SYNRG: variants seen among roughly 807,000 people sequenced by gnomAD.
SYNRG encodes AP1 gamma subunit binding protein 1.
In SYNRG, 37 loss-of-function variants were observed where a neutral mutation model predicts 130.9. The observed-to-expected ratio is 0.28, with a 90% CI of 0.22 to 0.37. The LOEUF is 0.37. SYNRG is among the 10% of genes least tolerant of loss of function. SYNRG has a pLI of 1.00. For missense variants in SYNRG, 1,338 were observed against 1,588.9 expected (o/e 0.84, Z 2.68); for synonymous variants, 539 against 568.1 (o/e 0.95, Z 0.73).
At chr17:37,534,213 G>C (rs899766364) in intron 19 of SYNRG, among the ~76,000 whole-genome samples, 5 of 151,656 alleles carry the variant, frequency 3.3e-5, no homozygotes, top group Non-Finnish European at 7.4e-5. Flanking sequence ...CAAAGTGCTG[G>C]GATTCAGGCA....
chr17:37,607,069 A>T (rs1384785638), intron 1 of SYNRG, among the ~76,000 whole-genome samples: 1 of 152,236 alleles, frequency 6.6e-6, no homozygotes, highest in Non-Finnish European at 1.5e-5. Context: ...TCAGCCTCAG[A>T]AAGTTGCCAA....
rs759405044 is a variant in SYNRG at position 37,542,418 on chromosome 17, G to C, written c.2756C>G (p.Ser919Cys). The change falls in exon 15 of 22, where the codon TCC (serine) becomes TGC (cysteine). Residue 919 changes from serine (S) to cysteine (C), a missense_variant. This residue lies in a region of SYNRG where 1,146 missense variants were observed against 1,342.3 expected (regional missense o/e 0.85). Transcript: ENST00000612223. The part of the protein sequence containing the change: ...SPFVLSAGSG[S>C]PSATSILQKK... ...TTGAAGAATTGAGGTGGCTGAGGGG[G>C]ATCCACTTCCTGCTGAGAGGACAAA... 5 of 1,614,074 alleles carry C rather than the reference G, an allele frequency of 3.1e-6. No homozygotes were observed. In the South Asian group the frequency reaches 5.5e-5, roughly 18 times the overall value.
chr17:37,575,698 T>C (rs2146162025), intron 8 of SYNRG, among the ~76,000 whole-genome samples: 1 of 151,796 alleles, frequency 6.6e-6, no homozygotes, highest in Middle Eastern at 3.4e-3. Context: ...AAAAATTAGC[T>C]GGGTGTAGTG....
At chr17:37,539,099 G>C (rs981784002) in intron 17 of SYNRG, 93 bp downstream of exon 17, 11 of 1,576,436 alleles carry the variant, frequency 7.0e-6, no homozygotes, top group South Asian at 1.2e-5. Context: ...AGGCTCTCCT[G>C]AAGTTTGCCT....
chr17:37,544,728 A>G (rs1042022121), intron 14 of SYNRG, among the ~76,000 whole-genome samples: 15 of 152,130 alleles, frequency 9.9e-5, no homozygotes, highest in Non-Finnish European at 1.8e-4. Context: ...ATTTAAAGGG[A>G]CCAGAAGGTG....
chr17:37,605,239 T>C (rs1026889822), intron 1 of SYNRG, among the ~76,000 whole-genome samples: 1 of 152,232 alleles, frequency 6.6e-6, no homozygotes, highest in Non-Finnish European at 1.5e-5. Flanking sequence ...AATTGATACA[T>C]TCAGGAGCAA....
At chr17:37,593,672 G>A (rs2062412632) in intron 3 of SYNRG, among the ~76,000 whole-genome samples, 1 of 152,062 alleles carries the variant, frequency 6.6e-6, no homozygotes, top group Admixed American at 6.5e-5. Flanking sequence ...ATCACCTGAG[G>A]TCAGGGGTTT....
In SYNRG at chr17:37,518,691, C is replaced by T. The variant is rs1322638948; in HGVS notation, c.*249G>A. On this transcript the variant is annotated 3_prime_UTR_variant, in exon 22 of 22. Coordinates refer to ENST00000612223, the MANE Select transcript of SYNRG (RefSeq NM_007247.6). ...TCCTTAGATCAAGAAAGCCGTGGTCCGTATTTCAGAAAATCTTAAGTAGAG... is the reference window on the plus strand; with the variant it reads ...TCCTTAGATCAAGAAAGCCGTGGTCTGTATTTCAGAAAATCTTAAGTAGAG... 9.5e-6 allele frequency: 4 copies of T among 418,968 alleles called. No individual in the cohort carries two copies. Among genetic ancestry groups the T allele is most frequent in the South Asian group, 6.6e-5 (1 of 15,128 alleles). 26.0% of individuals were successfully genotyped at this position (418,968 alleles called of 1,614,324 possible).
rs1182293639 is a variant in SYNRG at position 37,516,535 on chromosome 17, G to A, written c.*2405C>T. 1.3e-5 allele frequency: 2 copies of A among 152,080 alleles called. No individual in the cohort carries two copies. The highest frequency in any genetic ancestry group is 4.1e-4 in the South Asian group (2 of 4,826). 9.4% of individuals were successfully genotyped at this position (152,080 alleles called of 1,614,324 possible). ...TCTGAGGCATTCTGGAATTTCTCAG[G>A]AATAGAAACCAGCCCAGCTACCAAG... On this transcript the variant is annotated 3_prime_UTR_variant, in exon 22 of 22. Transcript: ENST00000612223.
chr17:37,607,973 A>AAAAAAAAC (rs2063941785), intron 1 of SYNRG, among the ~76,000 whole-genome samples: 1 of 139,170 alleles, frequency 7.2e-6, no homozygotes, highest in Non-Finnish European at 1.6e-5. Context: ...AAAAAAAAAA[A>AAAAAAAAC]AAAAAAACAA....
intron 19 of SYNRG, among the ~76,000 whole-genome samples, chr17:37,534,491 G>A (rs2056999560): frequency 1.3e-5 from 2 of 152,034 alleles, no homozygotes; most frequent in African/African-American, 4.8e-5. Flanking sequence ...TCCCCAAAGT[G>A]CTGGCATGAC....
At chr17:37,579,061 T>A (rs374857412) in intron 6 of SYNRG, 17 of 1,023,544 alleles carry the variant, frequency 1.7e-5, no homozygotes, top group African/African-American at 1.4e-4. Flanking sequence ...TGGATTATTC[T>A]ACTTATATAA....
At chr17:37,529,860 G>T in intron 19 of SYNRG, 1 of 1,551,386 alleles carries the variant, frequency 6.4e-7, no homozygotes, top group South Asian at 1.2e-5. Context: ...CACTAGGAGA[G>T]AAGAGATGGG....
At chr17:37,535,881 C>T (rs2057139712) in intron 19 of SYNRG, 98 bp downstream of exon 19, 2 of 1,531,752 alleles carry the variant, frequency 1.3e-6, no homozygotes, top group Admixed American at 1.8e-5. Context: ...GTTGGCACCT[C>T]CAGCCTCTAA....
chr17:37,583,412 T>TG (rs1248982668), intron 6 of SYNRG, among the ~76,000 whole-genome samples: 1 of 152,206 alleles, frequency 6.6e-6, no homozygotes, highest in Non-Finnish European at 1.5e-5. Context: ...TATTTTATTT[T>TG]GGGGCATACT....
chr17:37,570,735 G>C lies in SYNRG; in HGVS notation c.1249C>G (p.Leu417Val). 1 of 1,614,212 alleles carries C rather than the reference G, an allele frequency of 6.2e-7. No homozygotes were observed. The highest frequency in any genetic ancestry group is 8.5e-7 in the Non-Finnish European group (1 of 1,180,042). ...TTAATGCCCATGACTGGCTGTCCAAGGCTGAGGGGCATGGAGCCCGCAGGA... is the reference window on the plus strand; with the variant it reads ...TTAATGCCCATGACTGGCTGTCCAACGCTGAGGGGCATGGAGCCCGCAGGA... Reference protein sequence around the residue: ...SGPAGSMPLSLGQPVMGINLV... With the variant: ...SGPAGSMPLSVGQPVMGINLV... The change falls in exon 10 of 22, where the codon CTT becomes GTT. Residue 417 changes from leucine to valine, a missense_variant. Transcript: ENST00000612223.
intron 10 of SYNRG, 42 bp downstream of exon 10, chr17:37,570,582 GTGCCCAGATTCAC>G (rs1555769776): frequency 1.3e-6 from 2 of 1,552,810 alleles, no homozygotes; most frequent in Non-Finnish European, 1.7e-6. Context: ...GGAAAAAATG[GTGCCCAGATTCAC>G]TTTCAGTGAT....
intron 17 of SYNRG, among the ~76,000 whole-genome samples, chr17:37,538,848 C>T (rs1169244203): frequency 6.6e-6 from 1 of 152,240 alleles, no homozygotes; most frequent in Non-Finnish European, 1.5e-5. Context: ...CCGCCTTGGC[C>T]TCCCAAAGTG....
At chr17:37,560,048 C>T (rs1227271261) in intron 13 of SYNRG, among the ~76,000 whole-genome samples, 2 of 152,092 alleles carry the variant, frequency 1.3e-5, no homozygotes, top group East Asian at 3.9e-4. Context: ...CAGGTGTGCA[C>T]CACCATATCT....
Sources: allele counts gnomAD v4.1 joint callset (sites outside exome capture counted in the v4.1 genomes callset), GRCh38; gene constraint gnomAD v4.1.1; regional missense constraint gnomAD v4.1.1; transcripts MANE v1.5; gene names NCBI Gene and HGNC (gene_info 2026-07-23, HGNC 2026-07-21).